The following BANP variants were observed in gnomAD, a reference collection of about 807,000 sequenced individuals.
BANP encodes the protein protein BANP.
In BANP, 11 loss-of-function variants were observed where a neutral mutation model predicts 68.1. That is an observed-to-expected ratio of 0.16 (90% confidence interval 0.10 to 0.27). The LOEUF (loss-of-function observed/expected upper bound fraction) is 0.27, where lower values mean the gene tolerates loss of function less well. BANP is among the 10% of genes least tolerant of loss of function. The pLI is 1.00. For synonymous variants in BANP, 329 were observed against 303.2 expected, an observed-to-expected ratio of 1.09 and a Z score of -0.88; for missense variants, 504 against 722.7, an observed-to-expected ratio of 0.70 and a Z score of 3.47.
At chr16:88,050,211 C>T (rs904036403) in intron 11 of BANP, among the ~76,000 whole-genome samples, 4 of 152,248 alleles carry the variant, frequency 2.6e-5, no homozygotes, top group Admixed American at 1.3e-4. Context: ...GGCTGGAGTG[C>T]AGTGGTGTGA....
At chr16:88,040,488 C>A (rs1244093467) in intron 11 of BANP, among the ~76,000 whole-genome samples, 2 of 150,156 alleles carry the variant, frequency 1.3e-5, no homozygotes, top group African/African-American at 5.0e-5. Flanking sequence ...CCTACAGAAG[C>A]CCCGAGCAGT....
chr16:88,020,457 G>A (rs950409689), intron 7 of BANP, among the ~76,000 whole-genome samples: 5 of 151,848 alleles, frequency 3.3e-5, no homozygotes, highest in African/African-American at 1.2e-4. Context: ...ATCACAGTGT[G>A]GAGTGCGTTG....
At chr16:88,073,015 C>T (rs2090746940) in intron 13 of BANP, among the ~76,000 whole-genome samples, 1 of 152,222 alleles carries the variant, frequency 6.6e-6, no homozygotes, top group Non-Finnish European at 1.5e-5. Flanking sequence ...CCACCTGTGT[C>T]TTGATGCCAT....
At chr16:88,031,828 C>T (rs1383526035) in intron 8 of BANP, among the ~76,000 whole-genome samples, 1 of 150,290 alleles carries the variant, frequency 6.7e-6, no homozygotes, top group Non-Finnish European at 1.5e-5. Flanking sequence ...CCGTCCCTTC[C>T]CCCGCTCGCT....
chr16:88,035,342 A>G lies in BANP; in HGVS notation c.1220A>G (p.His407Arg). 6.2e-7 allele frequency: 1 copy of G among 1,611,644 alleles called. No homozygotes were observed. Among genetic ancestry groups the G allele is most frequent in the Middle Eastern group, 1.8e-4 (1 of 5,470 alleles). The change falls in exon 10 of 14, where the codon CAC becomes CGC. Residue 407 changes from histidine (H) to arginine (R), a missense_variant. By Grantham distance (29) the His-to-Arg change is conservative. Transcript: ENST00000682872. ...CTGCGGATCCCACAGGGACACCTCC[A>G]CATCGCCCAGGTGCCGCAGGGGGAG... ...QVQVIPQGHLHIAQVPQGEQV... is the reference protein window; with the variant it reads ...QVQVIPQGHLRIAQVPQGEQV...
intron 3 of BANP, among the ~76,000 whole-genome samples, chr16:87,983,301 A>G (rs2063649163): frequency 6.6e-6 from 1 of 152,068 alleles, no homozygotes; most frequent in Admixed American, 6.6e-5. Context: ...GACCTGGTGG[A>G]GGGTGTCTCT....
At chr16:88,038,121 T>C (rs1399657387) in intron 11 of BANP, 110 bp downstream of exon 11, 1 of 454,192 alleles carries the variant, frequency 2.2e-6, no homozygotes, top group East Asian at 8.1e-5. Flanking sequence ...CATGTACATG[T>C]GGGCATTGCG....
intron 7 of BANP, among the ~76,000 whole-genome samples, chr16:88,020,371 A>T (rs1222707131): frequency 1.3e-5 from 2 of 152,220 alleles, no homozygotes; most frequent in African/African-American, 2.4e-5. Flanking sequence ...AGGAGCACAC[A>T]TCTGCGCACC....
chr16:88,004,479 G>A lies in BANP; in HGVS notation c.479+68G>A, dbSNP rs1005819936. The A allele has an allele frequency of 5.5e-6, 5 of 913,412 alleles. No homozygotes were observed. Among genetic ancestry groups the A allele is most frequent in the Admixed American group, 2.5e-5 (1 of 39,946 alleles). The allele number at this position is 913,412 out of a possible 1,614,324, so 56.6% of individuals were successfully genotyped here. ...CGGAGTCCCATGAGAATAAGTCAAC[G>A]TCCCTAAGCCAGGGCACAGTCCAGC... On this transcript the variant is annotated intron_variant, in intron 5 of 13. Coordinates refer to ENST00000682872, the MANE Select transcript of BANP (RefSeq NM_001386991.1). The surrounding 1 kb of genome is among the most constrained non-coding windows in gnomAD (Gnocchi z 7.0).
intron 11 of BANP, among the ~76,000 whole-genome samples, chr16:88,039,266 C>T (rs1172442639): frequency 5.3e-5 from 8 of 150,808 alleles, no homozygotes; most frequent in African/African-American, 1.9e-4. Flanking sequence ...AAGGAATGCG[C>T]AGCTTTTAAA....
Position 88,076,595 on chromosome 16 carries a change from C to T in BANP, c.1527C>T (p.Ala509=), listed in dbSNP as rs966909294. 7 of 1,612,420 alleles carry T rather than the reference C, an allele frequency of 4.3e-6. No homozygotes were observed. The Admixed American group carries it at 5.0e-5, about 12-fold the overall frequency. The change falls in exon 14 of 14, where the codon GCC becomes GCT. Residue 509 remains alanine (A), a synonymous_variant. Transcript: ENST00000682872. ...CTCCTTTCTCCCTTTTGCAGACGGCCGAAGCCCTGCAGCCCACGCTACAGC... is the reference window on the plus strand; with the variant it reads ...CTCCTTTCTCCCTTTTGCAGACGGCTGAAGCCCTGCAGCCCACGCTACAGC... ...VSDHTAGAQT[A]EALQPTLQPE... is the part of the protein sequence containing the mutation.
At chr16:87,961,119 C>T (rs1386263042) in intron 1 of BANP, among the ~76,000 whole-genome samples, 3 of 152,198 alleles carry the variant, frequency 2.0e-5, no homozygotes. Flanking sequence ...GAGTACAAGT[C>T]AAGCCAATGG....
chr16:88,051,513 A>G (rs2083273240), intron 11 of BANP, among the ~76,000 whole-genome samples: 1 of 152,062 alleles, frequency 6.6e-6, no homozygotes, highest in South Asian at 2.1e-4. Flanking sequence ...AAGTGCGGCC[A>G]TTCCCAGGCA....
At chr16:88,051,516 C>G (rs567926687) in intron 11 of BANP, among the ~76,000 whole-genome samples, 11 of 152,060 alleles carry the variant, frequency 7.2e-5, no homozygotes, top group Non-Finnish European at 1.5e-4. Context: ...TGCGGCCATT[C>G]CCAGGCACTG....
At chr16:88,051,330 G>A (rs1243240131) in intron 11 of BANP, among the ~76,000 whole-genome samples, 4 of 152,240 alleles carry the variant, frequency 2.6e-5, no homozygotes, top group Non-Finnish European at 5.9e-5. Context: ...GGGTGTGGGT[G>A]GGGTACGGCA....
chr16:87,974,105 C>T lies in BANP; in HGVS notation c.-68-943C>T, dbSNP rs2061603135. On this transcript the variant is annotated intron_variant, in intron 1 of 13. Coordinates refer to ENST00000682872, the MANE Select transcript of BANP (RefSeq NM_001386991.1). ...AGTGTGTAGTGTAGTTCAGGGAAGA[C>T]AGTTTACTTTATACCATTTATGTGT... Among the ~76,000 whole-genome samples the T allele has an allele frequency of 1.3e-5, 2 of 152,176 alleles. 1 individual carries two copies. The highest frequency in any genetic ancestry group is 4.1e-4 in the South Asian group (2 of 4,820).
At chr16:87,999,067 T>C (rs2068248305) in intron 4 of BANP, among the ~76,000 whole-genome samples, 1 of 138,746 alleles carries the variant, frequency 7.2e-6, no homozygotes, top group Non-Finnish European at 1.6e-5. Context: ...CAGACACGTC[T>C]CCATGCACGC....
At chr16:87,968,318 CTACTAAAAA>C (rs1014661186) in intron 1 of BANP, among the ~76,000 whole-genome samples, 5 of 151,586 alleles carry the variant, frequency 3.3e-5, no homozygotes, top group African/African-American at 1.2e-4. Flanking sequence ...AACCCCATCT[CTACTAAAAA>C]TACAAAATTA....
At chr16:88,023,466 G>GCTTCGAGATA (rs67108688) in intron 7 of BANP, among the ~76,000 whole-genome samples, 1 of 89,984 alleles carries the variant, frequency 1.1e-5, no homozygotes, top group Non-Finnish European at 2.1e-5. Context: ...TCGGGCAGAG[G>GCTTCGAGATA]CCTTTTGTTT....
Sources: gnomAD v4.1 joint callset for allele counts (sites outside exome capture counted in the v4.1 genomes callset) on GRCh38, gnomAD v4.1.1 for gene constraint, Gnocchi (gnomAD v3.1) non-coding constraint, MANE v1.5 for transcripts, NCBI Gene and HGNC (gene_info 2026-07-23, HGNC 2026-07-21) for gene names.